The following LRP6 variants were observed in gnomAD, a reference collection of about 807,000 sequenced individuals.
LRP6 encodes the protein low-density lipoprotein receptor-related protein 6.
In LRP6, 43 loss-of-function variants were observed where a neutral mutation model predicts 184.1. The observed-to-expected ratio is 0.23, with a 90% CI of 0.18 to 0.30. The LOEUF is 0.30. Ranked by LOEUF, LRP6 falls within the 10% of genes least tolerant of loss-of-function variation. LRP6 has a pLI of 1.00. For synonymous variants in LRP6, 719 were observed against 684.9 expected (o/e 1.05, Z -0.78); for missense variants, 1,571 against 2,005.3 (o/e 0.78, Z 4.14).
At chr12:12,131,023 A>C (rs1213953965) in intron 18 of LRP6, 130 bp from the exon 19 acceptor site, 7 of 618,896 alleles carry the variant, frequency 1.1e-5, no homozygotes, top group African/African-American at 5.6e-5. Context: ...CTTAAATATT[A>C]TTCTCTGGAG....
chr12:12,156,935 T>C (rs993985897), intron 12 of LRP6, among the ~76,000 whole-genome samples: 7 of 152,220 alleles, frequency 4.6e-5, no homozygotes, highest in African/African-American at 1.7e-4. Context: ...CTGCTGCCTG[T>C]TTCTGTAATA....
intron 15 of LRP6, among the ~76,000 whole-genome samples, chr12:12,144,158 T>C (rs1204543447): frequency 2.0e-5 from 3 of 152,214 alleles, no homozygotes; most frequent in Non-Finnish European, 4.4e-5. Flanking sequence ...AAAGGATTCA[T>C]ATCTAGAATG....
chr12:12,183,246 C>T (rs1355994377), intron 5 of LRP6, among the ~76,000 whole-genome samples: 1 of 152,152 alleles, frequency 6.6e-6, no homozygotes, highest in Non-Finnish European at 1.5e-5. Flanking sequence ...CTAAATACAA[C>T]AATTTTCTTA....
intron 7 of LRP6, among the ~76,000 whole-genome samples, chr12:12,172,404 A>G (rs911344334): frequency 2.6e-5 from 4 of 152,218 alleles, no homozygotes; most frequent in African/African-American, 9.6e-5. Flanking sequence ...ATTAAATGTC[A>G]AGACAGGACT....
At chr12:12,207,596 G>C (rs1370884390) in intron 2 of LRP6, among the ~76,000 whole-genome samples, 1 of 152,018 alleles carries the variant, frequency 6.6e-6, no homozygotes, top group Non-Finnish European at 1.5e-5. Context: ...AACTGACTCT[G>C]GTGGGGGCAA....
At chr12:12,264,705 GAATT>G (rs543502587) in intron 1 of LRP6, among the ~76,000 whole-genome samples, 123 of 152,226 alleles carry the variant, frequency 8.1e-4, no homozygotes, top group African/African-American at 2.7e-3. Context: ...CTCAAAGAAT[GAATT>G]AATTCTAAAT....
intron 16 of LRP6, among the ~76,000 whole-genome samples, chr12:12,137,509 A>G (rs1565545408): frequency 6.6e-6 from 1 of 152,162 alleles, no homozygotes; most frequent in Non-Finnish European, 1.5e-5. Flanking sequence ...AAGGGGGGGA[A>G]AAAAACCAAG....
intron 1 of LRP6, among the ~76,000 whole-genome samples, chr12:12,255,082 T>C (rs1467236028): frequency 6.6e-6 from 1 of 152,244 alleles, no homozygotes; most frequent in African/African-American, 2.4e-5. Flanking sequence ...AACTTCTCAA[T>C]GACTCTTATT....
At chr12:12,202,534 C>T (rs933609217) in intron 3 of LRP6, among the ~76,000 whole-genome samples, 8 of 152,164 alleles carry the variant, frequency 5.3e-5, no homozygotes, top group Non-Finnish European at 1.5e-5. Context: ...CAAGGTGAGA[C>T]TCTGTCTAAA....
intron 2 of LRP6, among the ~76,000 whole-genome samples, chr12:12,232,558 T>G (rs1337127834): frequency 6.9e-6 from 1 of 145,502 alleles, no homozygotes; most frequent in Non-Finnish European, 1.5e-5. Context: ...GAGGAAACAT[T>G]TAACCTTAAG....
In LRP6 at chr12:12,266,996, C is replaced by G. The variant is rs377550979; in HGVS notation, c.-261G>C. 8.5e-3 allele frequency: 4,439 copies of G among 524,552 alleles called. 37 individuals carry two copies. Among genetic ancestry groups the G allele is most frequent in the Non-Finnish European group, 0.012 (3,645 of 300,412 alleles). The allele number at this position is 524,552 out of a possible 1,614,324, so 32.5% of individuals were successfully genotyped here. A position where few individuals can be genotyped will look rare whatever the true frequency, so the allele number is the denominator to read the frequency against. On this transcript the variant is annotated 5_prime_UTR_variant, in exon 1 of 23. Coordinates refer to ENST00000261349, the MANE Select transcript of LRP6 (RefSeq NM_002336.3). ...TCCTCCCCCGGCGCCCCGCTTCCCC[C>G]GCGCAGCTCCTCATTCAGCCTCTGC...
rs1297206107 is a variant in LRP6, at chr12:12,181,029, G to A, written c.1373+14C>T. The A allele has an allele frequency of 6.2e-7, 1 of 1,613,944 alleles. No individual in the cohort carries two copies. The highest frequency in any genetic ancestry group is 8.5e-7 in the Non-Finnish European group (1 of 1,179,816). Reference sequence around the variant, plus strand: ...AAACACCACACAGAATTTACTATCAGTAGAGCTTCTTACCCAACCATGGGA... The same window carrying A: ...AAACACCACACAGAATTTACTATCAATAGAGCTTCTTACCCAACCATGGGA... On this transcript the variant is annotated intron_variant, in intron 6 of 22. Coordinates refer to ENST00000261349, the MANE Select transcript of LRP6 (RefSeq NM_002336.3).
At chr12:12,153,531 C>T (rs576186624) in intron 12 of LRP6, among the ~76,000 whole-genome samples, 22 of 152,248 alleles carry the variant, frequency 1.4e-4, no homozygotes, top group African/African-American at 4.8e-4. Context: ...CCATATGTGG[C>T]TCCAAATAAA....
chr12:12,265,277 ATC>A (rs1475319980), intron 1 of LRP6, among the ~76,000 whole-genome samples: 3 of 152,246 alleles, frequency 2.0e-5, no homozygotes, highest in African/African-American at 7.2e-5. Context: ...TGCCACAAAA[ATC>A]TAATGAACAC....
In LRP6 at chr12:12,266,856, G is replaced by A. The variant is rs1017611419; in HGVS notation, c.-121C>T. ...CGCTCATACTTCCCAGCTTCCCAGC[G>A]AGAGAAGAAAGAAAGGGGCACGTCA... On this transcript the variant is annotated 5_prime_UTR_variant, in exon 1 of 23. Coordinates refer to ENST00000261349, the MANE Select transcript of LRP6 (RefSeq NM_002336.3). 3.5e-6 allele frequency: 3 copies of A among 849,962 alleles called. No homozygotes were observed. The highest frequency in any genetic ancestry group is 5.9e-6 in the Non-Finnish European group (3 of 510,840). The allele number at this position is 849,962 out of a possible 1,614,324, so 52.7% of individuals were successfully genotyped here.
At chr12:12,162,501 A>G in intron 9 of LRP6, 82 bp from the exon 10 acceptor site, 1 of 1,128,982 alleles carries the variant, frequency 8.9e-7, no homozygotes, top group Non-Finnish European at 1.4e-6. Context: ...GGTTTTTGTC[A>G]GGGGCAAGAG....
chr12:12,170,245 T>C (rs962417955), intron 7 of LRP6, among the ~76,000 whole-genome samples: 5 of 152,026 alleles, frequency 3.3e-5, no homozygotes, highest in African/African-American at 4.8e-5. Context: ...TGAGGCAGAA[T>C]TGCTTGAACC....
At chr12:12,243,005 T>C (rs1865102853) in intron 2 of LRP6, among the ~76,000 whole-genome samples, 1 of 152,252 alleles carries the variant, frequency 6.6e-6, no homozygotes, top group South Asian at 2.1e-4. Flanking sequence ...AAATGAGTTT[T>C]AAAGCATTCT....
Position 12,118,925 on chromosome 12 carries a change from G to A in LRP6, c.*2201C>T, listed in dbSNP as rs1000237624. 6.6e-6 allele frequency: 1 copy of A among 152,204 alleles called. No homozygotes were observed. The highest frequency in any genetic ancestry group is 1.5e-5 in the Non-Finnish European group (1 of 68,024). 9.4% of individuals were successfully genotyped at this position (152,204 alleles called of 1,614,324 possible). On this transcript the variant is annotated 3_prime_UTR_variant, in exon 23 of 23. Coordinates refer to ENST00000261349, the MANE Select transcript of LRP6 (RefSeq NM_002336.3). ...CCACATGGGAAGCCCACCAGATCAA[G>A]ATGCACATTTAAATATGTAAACATA...
Sources: gnomAD v4.1 joint callset for allele counts (sites outside exome capture counted in the v4.1 genomes callset) on GRCh38, gnomAD v4.1.1 for gene constraint, MANE v1.5 for transcripts, NCBI Gene and HGNC (gene_info 2026-07-23, HGNC 2026-07-21) for gene names.